RARA: variants seen among roughly 807,000 people sequenced by gnomAD.
RARA encodes PML-DDX5-RARA fusion.
Under a neutral mutation model 42.8 loss-of-function variants are expected in RARA, and 5 were observed. The ratio of observed to expected loss-of-function variants is 0.12; its 90% confidence interval spans 0.06 to 0.25. The LOEUF is 0.25. RARA is among the 10% of genes least tolerant of loss of function. The pLI is 1.00. For missense variants in RARA, 402 were observed against 628.7 expected (o/e 0.64, Z 3.86); for synonymous variants, 256 against 259.5 (o/e 0.99, Z 0.13).
chr17:40,337,993 A>G (rs973347296), intron 2 of RARA, among the ~76,000 whole-genome samples: 1 of 152,244 alleles, frequency 6.6e-6, no homozygotes, highest in Non-Finnish European at 1.5e-5. Context: ...AGAGTCAGAC[A>G]AAAGAACATG....
chr17:40,338,454 G>A (rs541900996), intron 2 of RARA, among the ~76,000 whole-genome samples: 7 of 152,248 alleles, frequency 4.6e-5, no homozygotes, highest in Non-Finnish European at 8.8e-5. Flanking sequence ...CAGACCAAGG[G>A]CCTTCCATGG....
rs551093867 is a variant in RARA, at chr17:40,355,830, A to G, written c.1172-179A>G. Among the ~76,000 whole-genome samples, 138 of 152,338 alleles carry G rather than the reference A, an allele frequency of 9.1e-4. 1 individual carries two copies. Among genetic ancestry groups the G allele is most frequent in the African/African-American group, 2.2e-3 (91 of 41,572 alleles). On this transcript the variant is annotated intron_variant, in intron 8 of 8. Coordinates refer to ENST00000254066, the MANE Select transcript of RARA (RefSeq NM_000964.4). The surrounding 1 kb of genome is among the most constrained non-coding windows in gnomAD (Gnocchi z 4.1). The stretch of plus-strand genomic sequence containing the variant: ...CCGGAGTTCGGGACCACTTTGCCCC[A>G]TTGCCACCAGCCTCTGGACCTGGGG...
Position 40,352,614 on chromosome 17 carries a change from C to G in RARA, c.807+107C>G. The G allele has an allele frequency of 9.3e-7, 1 of 1,074,656 alleles. No homozygotes were observed. Among genetic ancestry groups the G allele is most frequent in the Non-Finnish European group, 1.3e-6 (1 of 776,544 alleles). The allele number at this position is 1,074,656 out of a possible 1,614,324, so 66.6% of individuals were successfully genotyped here. A position where few individuals can be genotyped will look rare whatever the true frequency, so the allele number is the denominator to read the frequency against. On this transcript the variant is annotated intron_variant, in intron 6 of 8. Coordinates refer to ENST00000254066, the MANE Select transcript of RARA (RefSeq NM_000964.4). The surrounding 1 kb of genome is among the most constrained non-coding windows in gnomAD (Gnocchi z 4.9). ...AATGTCTGTCTGCAATCAACCTGTC[C>G]AAATGCCCACCGCCCAAATGTCTGC...
At chr17:40,341,510 C>A in intron 2 of RARA, 1 of 1,484,180 alleles carries the variant, frequency 6.7e-7, no homozygotes, top group Non-Finnish European at 9.0e-7. Context: ...CGCCTCCTGC[C>A]GCCGCTCTCC....
chr17:40,340,164 A>C (rs1598563270), intron 2 of RARA, among the ~76,000 whole-genome samples: 1 of 148,048 alleles, frequency 6.8e-6, no homozygotes, highest in Admixed American at 6.8e-5. Context: ...TATTGAATCC[A>C]CCTTCCTCTG....
intron 1 of RARA, among the ~76,000 whole-genome samples, chr17:40,327,909 G>A (rs921642067): frequency 1.3e-5 from 2 of 152,214 alleles, no homozygotes; most frequent in African/African-American, 4.8e-5. Context: ...CAGTGGGTGG[G>A]GCCCCTGTTC....
rs1412469941 is a variant in RARA, at chr17:40,352,144, C to T, written c.630+74C>T. Reference sequence around the variant, plus strand: ...GGCCAGGATGGGCCCCTCTCAGGCACCCCTTCTTGTGCCAGGCAAGATCTC... The same window carrying T: ...GGCCAGGATGGGCCCCTCTCAGGCATCCCTTCTTGTGCCAGGCAAGATCTC... On this transcript the variant is annotated intron_variant, in intron 5 of 8. Coordinates refer to ENST00000254066, the MANE Select transcript of RARA (RefSeq NM_000964.4). The surrounding 1 kb of genome is among the most constrained non-coding windows in gnomAD (Gnocchi z 4.9). 10 of 1,471,010 alleles carry T rather than the reference C, an allele frequency of 6.8e-6. No homozygotes were observed. Among genetic ancestry groups the T allele is most frequent in the African/African-American group, 1.4e-5 (1 of 70,266 alleles). 91.1% of individuals were successfully genotyped at this position (1,471,010 alleles called of 1,614,324 possible). A position where few individuals can be genotyped will look rare whatever the true frequency, so the allele number is the denominator to read the frequency against.
At chr17:40,346,605 C>T (rs545686819) in intron 2 of RARA, among the ~76,000 whole-genome samples, 2 of 152,262 alleles carry the variant, frequency 1.3e-5, no homozygotes, top group South Asian at 2.1e-4. Flanking sequence ...TGGCTCACCC[C>T]CTCTGCCTCC....
chr17:40,349,819 G>A lies in RARA; in HGVS notation c.363G>A (p.Val121=), dbSNP rs1215953665. The change falls in exon 4 of 9, where the codon GTG becomes GTA. Residue 121 remains valine, a synonymous_variant. Coordinates refer to ENST00000254066, the MANE Select transcript of RARA (RefSeq NM_000964.4). ...FFRRSIQKNM[V]YTCHRDKNCI... Reference sequence around the variant, plus strand: ...GCCGCAGCATCCAGAAGAACATGGTGTACACGTGTCACCGGGACAAGAACT... The same window carrying A: ...GCCGCAGCATCCAGAAGAACATGGTATACACGTGTCACCGGGACAAGAACT... The A allele has an allele frequency of 1.2e-6, 2 of 1,614,216 alleles. No individual in the cohort carries two copies. Among genetic ancestry groups the A allele is most frequent in the Non-Finnish European group, 1.7e-6 (2 of 1,180,030 alleles).
chr17:40,341,788 G>A, intron 2 of RARA: 5 of 1,272,262 alleles, frequency 3.9e-6, no homozygotes, highest in Non-Finnish European at 4.0e-6. Flanking sequence ...GCTTCGCTCG[G>A]CCAGGGACTG....
chr17:40,353,622 AATTTTTGT>A, intron 6 of RARA, among the ~76,000 whole-genome samples: 1 of 152,144 alleles, frequency 6.6e-6, no homozygotes, highest in East Asian at 1.9e-4. Flanking sequence ...ACACCCGGCT[AATTTTTGT>A]ATTTTTGTAG....
chr17:40,322,563 C>A (rs2033421297), intron 1 of RARA, among the ~76,000 whole-genome samples: 2 of 152,116 alleles, frequency 1.3e-5, no homozygotes, highest in Admixed American at 6.5e-5. Flanking sequence ...CCCGGCCCTC[C>A]CCCCGGAGCC....
Position 40,355,509 on chromosome 17 carries a change from A to T in RARA, c.1171+88A>T. ...AGCCAGCACCCCATGTCTTTGTGCC[A>T]GGACAATACGACACCTGTCCCCATC... On this transcript the variant is annotated intron_variant, in intron 8 of 8. Transcript: ENST00000254066. This position sits in a 1 kb window ranked among gnomAD's most constrained non-coding sequence, Gnocchi z 4.1. 6.8e-7 allele frequency: 1 copy of T among 1,478,000 alleles called. No homozygotes were observed. The highest frequency in any genetic ancestry group is 1.3e-5 in the South Asian group (1 of 75,322). 91.6% of individuals were successfully genotyped at this position (1,478,000 alleles called of 1,614,324 possible).
intron 1 of RARA, among the ~76,000 whole-genome samples, chr17:40,324,417 A>C (rs1395992786): frequency 6.6e-6 from 1 of 151,954 alleles, no homozygotes; most frequent in African/African-American, 2.4e-5. Flanking sequence ...TGGACCTCTC[A>C]GACACCCTGG....
chr17:40,323,032 CT>C (rs1357215394), intron 1 of RARA: 1 of 152,240 alleles, frequency 6.6e-6, no homozygotes, highest in African/African-American at 2.4e-5. Flanking sequence ...GGCACTACCC[CT>C]GGTTCTTGTG....
intron 1 of RARA, among the ~76,000 whole-genome samples, chr17:40,312,442 C>A (rs1329212180): frequency 6.6e-6 from 1 of 152,266 alleles, no homozygotes; most frequent in East Asian, 1.9e-4. Context: ...CCCTGCCCCC[C>A]TCATTTCCTG....
chr17:40,340,021 GC>G (rs1478148742), intron 2 of RARA, among the ~76,000 whole-genome samples: 2 of 152,182 alleles, frequency 1.3e-5, no homozygotes, highest in Non-Finnish European at 2.9e-5. Context: ...CTGTCCAGCA[GC>G]CCAGTGGACT....
At chr17:40,329,088 C>T (rs1012820961) in intron 1 of RARA, among the ~76,000 whole-genome samples, 4 of 151,710 alleles carry the variant, frequency 2.6e-5, no homozygotes, top group African/African-American at 9.7e-5. Flanking sequence ...TATTATCTGT[C>T]TTTCTTATTA....
At chr17:40,346,218 C>T (rs2034260928) in intron 2 of RARA, among the ~76,000 whole-genome samples, 1 of 152,182 alleles carries the variant, frequency 6.6e-6, no homozygotes, top group Non-Finnish European at 1.5e-5. Flanking sequence ...GCCCTCTAGT[C>T]TGTCCCAGGC....
Sources: gnomAD v4.1 joint callset for allele counts (sites outside exome capture counted in the v4.1 genomes callset) on GRCh38, gnomAD v4.1.1 for gene constraint, Gnocchi (gnomAD v3.1) non-coding constraint, MANE v1.5 for transcripts, NCBI Gene and HGNC (gene_info 2026-07-23, HGNC 2026-07-21) for gene names.